The following PPP1R17 variants were observed in gnomAD, a reference collection of about 807,000 sequenced individuals.
PPP1R17 encodes G-substrate.
In PPP1R17, 12 loss-of-function variants were observed where a neutral mutation model predicts 15.9. That is an observed-to-expected ratio of 0.75 (90% confidence interval 0.48 to 1.22). The LOEUF is 1.22. PPP1R17 is among the 50% of genes most tolerant of loss of function. The pLI, the probability that PPP1R17 is intolerant of heterozygous loss-of-function variation, is 0.00. For synonymous variants in PPP1R17, 63 were observed against 64.5 expected, an observed-to-expected ratio of 0.98 and a Z score of 0.11; for missense variants, 211 against 187.3, an observed-to-expected ratio of 1.13 and a Z score of -0.74.
chr7:31,695,593 G>A lies in PPP1R17; in HGVS notation c.207G>A (p.Pro69=), dbSNP rs374604928. ...AAAAACCAAGGAGGAAAGATACACC[G>A]GCGCTGCACATCCCACCTTTCATAC... ...DQKKPRRKDT[P]ALHIPPFIPG... is the part of the protein sequence containing the mutation. Residue 69 remains proline, a synonymous_variant, in exon 3 of 5, where the codon CCG becomes CCA. Coordinates refer to ENST00000342032, the MANE Select transcript of PPP1R17 (RefSeq NM_006658.5). 94 of 1,613,504 alleles carry A rather than the reference G, an allele frequency of 5.8e-5. No homozygotes were observed. Among genetic ancestry groups the A allele is most frequent in the African/African-American group, 4.3e-4 (32 of 74,836 alleles).
chr7:31,702,130 C>T (rs1792873783), intron 4 of PPP1R17, among the ~76,000 whole-genome samples: 1 of 151,898 alleles, frequency 6.6e-6, no homozygotes, highest in Non-Finnish European at 1.5e-5. Context: ...TTTAGTCATT[C>T]TACAGGTTAT....
At chr7:31,706,194 G>A (rs1793064791) in intron 4 of PPP1R17, among the ~76,000 whole-genome samples, 1 of 151,242 alleles carries the variant, frequency 6.6e-6, no homozygotes, top group African/African-American at 2.4e-5. Flanking sequence ...TACTAGAGAT[G>A]GGGTTTCACC....
At chr7:31,698,460 C>T (rs1409303112) in intron 4 of PPP1R17, among the ~76,000 whole-genome samples, 1 of 152,212 alleles carries the variant, frequency 6.6e-6, no homozygotes, top group African/African-American at 2.4e-5. Context: ...ATGCCAGGGA[C>T]AACTCTCCCT....
chr7:31,699,616 T>C (rs1299228716), intron 4 of PPP1R17, among the ~76,000 whole-genome samples: 1 of 152,074 alleles, frequency 6.6e-6, no homozygotes, highest in Non-Finnish European at 1.5e-5. Flanking sequence ...TCTCTTCACT[T>C]TTTTGTGCTT....
intron 1 of PPP1R17, among the ~76,000 whole-genome samples, 181 bp downstream of exon 1, chr7:31,687,487 G>C (rs1368276191): frequency 6.6e-6 from 1 of 152,224 alleles, no homozygotes; most frequent in East Asian, 1.9e-4. Flanking sequence ...TCTTCCAAGG[G>C]AGGGAATGGA....
intron 4 of PPP1R17, among the ~76,000 whole-genome samples, chr7:31,697,408 G>A (rs1025343669): frequency 2.6e-5 from 4 of 152,206 alleles, no homozygotes; most frequent in Admixed American, 2.6e-4. Context: ...TCCTTGAGAA[G>A]AGCTGGAATG....
chr7:31,690,758 T>C (rs1193287986), intron 1 of PPP1R17, among the ~76,000 whole-genome samples: 2 of 152,206 alleles, frequency 1.3e-5, no homozygotes, highest in Non-Finnish European at 2.9e-5. Context: ...AGATAGGACC[T>C]TCAGTAGATA....
At chr7:31,688,930 A>G (rs936902139) in intron 1 of PPP1R17, among the ~76,000 whole-genome samples, 7 of 152,266 alleles carry the variant, frequency 4.6e-5, no homozygotes, top group Non-Finnish European at 8.8e-5. Flanking sequence ...TTTGTTGTTA[A>G]GTTCAACACA....
At position 31,707,640 on chromosome 7, in the gene PPP1R17, T is replaced by C; in HGVS notation, c.*357T>C. 1 of 211,680 alleles carries C rather than the reference T, an allele frequency of 4.7e-6. No individual in the cohort carries two copies. 13.1% of individuals were successfully genotyped at this position (211,680 alleles called of 1,614,324 possible). ...ATTACATGGGCTCCTTCTTGGTTTT[T>C]GCTGCTGGGCAGGACTTGACTTAGC... On this transcript the variant is annotated 3_prime_UTR_variant, in exon 5 of 5. Transcript: ENST00000342032.
At chr7:31,689,447 C>T (rs889031922) in intron 1 of PPP1R17, among the ~76,000 whole-genome samples, 54 of 152,270 alleles carry the variant, frequency 3.5e-4, no homozygotes, top group African/African-American at 1.2e-3. Context: ...CTTCCCTGGG[C>T]AGCCCAACAA....
rs775940423 is a variant in PPP1R17 at position 31,687,314 on chromosome 7, C to T, written c.-37+8C>T. 6.6e-6 allele frequency: 1 copy of T among 152,366 alleles called. No individual in the cohort carries two copies. The highest frequency in any genetic ancestry group is 2.1e-4 in the South Asian group (1 of 4,822). The allele number at this position is 152,366 out of a possible 1,614,324, so 9.4% of individuals were successfully genotyped here. A position where few individuals can be genotyped will look rare whatever the true frequency, so the allele number is the denominator to read the frequency against. On this transcript the variant is annotated splice_region_variant and intron_variant, in intron 1 of 4. Coordinates refer to ENST00000342032, the MANE Select transcript of PPP1R17 (RefSeq NM_006658.5). ...CTGCATCTGCGCTGATTGGTAAGTG[C>T]TTCAGATTTTTACTCCAAGAACTTT...
rs544425722 is a variant in PPP1R17, at chr7:31,698,226, G to T, written c.388+1109G>T. Reference sequence around the variant, plus strand: ...AATAAAGAAAAAAATTGAAAAAACAGCTCAGAAGAAGACATCACGACAGAA... The same window carrying T: ...AATAAAGAAAAAAATTGAAAAAACATCTCAGAAGAAGACATCACGACAGAA... On this transcript the variant is annotated intron_variant, in intron 4 of 4. Transcript: ENST00000342032. Among the ~76,000 whole-genome samples the T allele has an allele frequency of 2.6e-5, 4 of 152,276 alleles. No homozygotes were observed. The East Asian group carries it at 7.7e-4, about 29-fold the overall frequency.
chr7:31,690,031 C>A, intron 1 of PPP1R17, among the ~76,000 whole-genome samples: 1 of 152,180 alleles, frequency 6.6e-6, no homozygotes, highest in South Asian at 2.1e-4. Flanking sequence ...TCACTGCTTT[C>A]CCTCACCTTG....
At chr7:31,698,304 C>G (rs1370653831) in intron 4 of PPP1R17, among the ~76,000 whole-genome samples, 1 of 152,194 alleles carries the variant, frequency 6.6e-6, no homozygotes, top group Non-Finnish European at 1.5e-5. Context: ...GTTCTATGCT[C>G]CATGGGATTT....
intron 4 of PPP1R17, among the ~76,000 whole-genome samples, chr7:31,701,567 C>T (rs1423859070): frequency 6.6e-6 from 1 of 152,186 alleles, no homozygotes; most frequent in Non-Finnish European, 1.5e-5. Context: ...AAAGGATTGA[C>T]TTGATTTTGA....
chr7:31,695,372 C>G, intron 2 of PPP1R17, 97 bp from the exon 3 acceptor site: 1 of 1,141,990 alleles, frequency 8.8e-7, no homozygotes, highest in Middle Eastern at 2.5e-4. Flanking sequence ...CAAATCACCT[C>G]TGTCCTGTCA....
chr7:31,694,380 T>TCAAACACACACACACACACA lies in PPP1R17; in HGVS notation c.83-1088_83-1087insAAACACACACACACACACAC, dbSNP rs1250440023. On this transcript the variant is annotated intron_variant, in intron 2 of 4. Coordinates refer to ENST00000342032, the MANE Select transcript of PPP1R17 (RefSeq NM_006658.5). Reference sequence around the variant, plus strand: ...ATTAACAATTTTAGCTCTCTCTCTCTCTCTCAAACACACACACACACACAC... The same window carrying TCAAACACACACACACACACA: ...ATTAACAATTTTAGCTCTCTCTCTCTCAAACACACACACACACACACTCTCAAACACACACACACACACAC... 1.5e-4 allele frequency among the ~76,000 whole-genome samples: 16 copies of TCAAACACACACACACACACA among 109,214 alleles called. 1 individual carries two copies. Among genetic ancestry groups the TCAAACACACACACACACACA allele is most frequent in the African/African-American group, 6.2e-4 (16 of 25,958 alleles). 71.6% of individuals were successfully genotyped at this position (109,214 alleles called of 152,430 possible).
chr7:31,694,640 G>A (rs2128240404), intron 2 of PPP1R17, among the ~76,000 whole-genome samples: 1 of 152,200 alleles, frequency 6.6e-6, no homozygotes, highest in South Asian at 2.1e-4. Context: ...GGCTGTGTCT[G>A]GAGCAGCAGG....
chr7:31,705,234 T>C (rs547981944), intron 4 of PPP1R17, among the ~76,000 whole-genome samples: 29 of 152,262 alleles, frequency 1.9e-4, no homozygotes, highest in African/African-American at 7.0e-4. Context: ...GATTCTCATA[T>C]GATTAAGTTT....
Sources: gnomAD v4.1 joint callset for allele counts (sites outside exome capture counted in the v4.1 genomes callset) on GRCh38, gnomAD v4.1.1 for gene constraint, MANE v1.5 for transcripts, NCBI Gene and HGNC (gene_info 2026-07-23, HGNC 2026-07-21) for gene names.